The following IL1RAPL1 variants were observed in gnomAD, a reference collection of about 807,000 sequenced individuals.
IL1RAPL1 encodes interleukin 1 receptor accessory protein like 1.
In IL1RAPL1, 3 loss-of-function variants were observed where a neutral mutation model predicts 48.4. The ratio of observed to expected loss-of-function variants is 0.06; its 90% CI spans 0.03 to 0.16. The LOEUF is 0.16. Ranked by LOEUF, IL1RAPL1 falls within the 10% of genes least tolerant of loss-of-function variation. The pLI, the probability that IL1RAPL1 is intolerant of heterozygous loss-of-function variation, is 1.00. For missense variants in IL1RAPL1, 349 were observed against 530.6 expected (o/e 0.66, Z 3.36); for synonymous variants, 185 against 187.7 (o/e 0.99, Z 0.12).
chrX:29,941,836 ATT>A (rs1933134173), intron 9 of IL1RAPL1, 42 bp downstream of exon 9: 3 of 1,163,076 alleles, frequency 2.6e-6, no homozygotes, highest in Admixed American at 4.4e-5. Context: ...GAATGTTCTA[ATT>A]TCTTTCTTGT....
intron 5 of IL1RAPL1, among the ~76,000 whole-genome samples, chrX:29,479,371 C>T (rs1194884953): frequency 1.1e-5 from 1 of 90,570 alleles, no homozygotes; most frequent in African/African-American, 4.4e-5. Context: ...GTCATGGTTG[C>T]GTCACTGCAC....
In IL1RAPL1 at chrX:29,625,960, G is replaced by A. The variant is rs903432791; in HGVS notation, c.704-42470G>A. Among the ~76,000 whole-genome samples the A allele has an allele frequency of 2.7e-5, 3 of 111,490 alleles. No homozygotes were observed. The Admixed American group carries it at 2.9e-4, about 11-fold the overall frequency. On this transcript the variant is annotated intron_variant, in intron 5 of 10. Transcript: ENST00000378993. Reference sequence around the variant, plus strand: ...AAAGATTCGTTAGTATTATGCCCAAGTGCTCAGTATTTCACCAGCCCTGCT... The same window carrying A: ...AAAGATTCGTTAGTATTATGCCCAAATGCTCAGTATTTCACCAGCCCTGCT...
intron 2 of IL1RAPL1, among the ~76,000 whole-genome samples, chrX:29,099,749 T>G (rs1440251852): frequency 8.9e-6 from 1 of 112,385 alleles, no homozygotes; most frequent in Non-Finnish European, 1.9e-5. Flanking sequence ...GTAGTTCTTT[T>G]AATAATCTCA....
intron 2 of IL1RAPL1, among the ~76,000 whole-genome samples, chrX:29,125,581 T>A (rs1928882175): frequency 8.9e-6 from 1 of 111,954 alleles, no homozygotes; most frequent in Non-Finnish European, 1.9e-5. Flanking sequence ...TAAATGTGTA[T>A]GAGAAATACG....
chrX:29,186,457 G>A (rs941043373), intron 2 of IL1RAPL1, among the ~76,000 whole-genome samples: 1 of 111,397 alleles, frequency 9.0e-6, no homozygotes, highest in South Asian at 3.8e-4. Context: ...GTCAGTTTAG[G>A]TTGAGAAACC....
chrX:29,176,445 C>T (rs1930025322), intron 2 of IL1RAPL1, among the ~76,000 whole-genome samples: 1 of 109,201 alleles, frequency 9.2e-6, no homozygotes, highest in Non-Finnish European at 1.9e-5. Context: ...CTTTGAGAAC[C>T]CTTGTCCGAG....
intron 2 of IL1RAPL1, among the ~76,000 whole-genome samples, chrX:28,814,341 TTGTG>T (rs753090480): frequency 0.02 from 1,770 of 89,700 alleles, 23 homozygotes; most frequent in African/African-American, 0.033. Flanking sequence ...ATTTTCAGGT[TTGTG>T]TGTGTGTGTG....
In IL1RAPL1 at chrX:29,590,470, G is replaced by A. The variant is rs937331991; in HGVS notation, c.704-77960G>A. 2.7e-5 allele frequency among the ~76,000 whole-genome samples: 3 copies of A among 111,788 alleles called. No individual in the cohort carries two copies. The East Asian group carries it at 8.5e-4, about 32-fold the overall frequency. On this transcript the variant is annotated intron_variant, in intron 5 of 10. Transcript: ENST00000378993. ...TTCCCTCTTCCTCCCTGCCTCTCCC[G>A]AGTGATTCCTTGCACACGTGGAAGG...
At chrX:29,689,060 G>A (rs982266656) in intron 6 of IL1RAPL1, among the ~76,000 whole-genome samples, 75 of 111,195 alleles carry the variant, frequency 6.7e-4, no homozygotes, top group South Asian at 3.8e-4. Context: ...AGTTGTTCTC[G>A]TACATTTGTC....
At chrX:29,008,783 A>G (rs1926051901) in intron 2 of IL1RAPL1, among the ~76,000 whole-genome samples, 1 of 108,444 alleles carries the variant, frequency 9.2e-6, no homozygotes, top group Non-Finnish European at 1.9e-5. Flanking sequence ...GGTACTGAGC[A>G]TTGTACCCAA....
chrX:29,587,763 A>G (rs766795213), intron 5 of IL1RAPL1, among the ~76,000 whole-genome samples: 45 of 112,360 alleles, frequency 4.0e-4, no homozygotes, highest in Non-Finnish European at 7.1e-4. Flanking sequence ...ATAATATGCC[A>G]GATGTTCCAA....
chrX:29,853,506 G>A (rs985556013), intron 6 of IL1RAPL1, among the ~76,000 whole-genome samples: 3 of 110,356 alleles, frequency 2.7e-5, no homozygotes, highest in Non-Finnish European at 5.7e-5. Flanking sequence ...CAAAAGCCCT[G>A]TCTCTCCTTA....
At chrX:29,925,426 T>TTG (rs1932880278) in intron 8 of IL1RAPL1, among the ~76,000 whole-genome samples, 1 of 22,936 alleles carries the variant, frequency 4.4e-5, no homozygotes, top group African/African-American at 1.1e-4. Context: ...TTTTTTTTTT[T>TTG]TTTTTTTTTT....
intron 1 of IL1RAPL1, among the ~76,000 whole-genome samples, chrX:28,696,939 G>A (rs1488796501): frequency 9.0e-6 from 1 of 111,472 alleles, no homozygotes; most frequent in African/African-American, 3.2e-5. Flanking sequence ...TGTATCTGTG[G>A]AATAGATTCC....
At chrX:29,539,634 G>C (rs1437929645) in intron 5 of IL1RAPL1, among the ~76,000 whole-genome samples, 2 of 110,871 alleles carry the variant, frequency 1.8e-5, no homozygotes, top group African/African-American at 6.6e-5. Context: ...GGACTGTATA[G>C]TGAGTGGGTT....
chrX:29,116,225 G>T (rs1369269941), intron 2 of IL1RAPL1, among the ~76,000 whole-genome samples: 1 of 110,978 alleles, frequency 9.0e-6, no homozygotes, highest in Non-Finnish European at 1.9e-5. Context: ...CCAATAGCAA[G>T]GGGGGGATTA....
At chrX:29,615,479 G>T (rs1190904280) in intron 5 of IL1RAPL1, among the ~76,000 whole-genome samples, 1 of 111,095 alleles carries the variant, frequency 9.0e-6, no homozygotes, top group East Asian at 2.8e-4. Flanking sequence ...AAGCAGTTCA[G>T]CTCTGAGGGT....
chrX:29,788,630 A>G (rs934479068), intron 6 of IL1RAPL1, among the ~76,000 whole-genome samples: 8 of 112,133 alleles, frequency 7.1e-5, no homozygotes, highest in South Asian at 7.3e-4. Flanking sequence ...TTGAGTATTT[A>G]TCACTTCTTT....
chrX:29,780,507 C>G (rs1929314281), intron 6 of IL1RAPL1, among the ~76,000 whole-genome samples: 1 of 111,387 alleles, frequency 9.0e-6, no homozygotes, highest in Admixed American at 9.6e-5. Context: ...ATTCTACCCT[C>G]AGCCTTCTAT....
Sources: allele counts gnomAD v4.1 joint callset (sites outside exome capture counted in the v4.1 genomes callset), GRCh38; gene constraint gnomAD v4.1.1; transcripts MANE v1.5; gene names NCBI Gene and HGNC (gene_info 2026-07-23, HGNC 2026-07-21).